The following RBFOX1 variants were observed in gnomAD, a reference collection of about 807,000 sequenced individuals.
RBFOX1 encodes the protein RNA binding protein fox-1 homolog 1.
In RBFOX1, 8 loss-of-function variants were observed where a neutral mutation model predicts 57.7. The ratio of observed to expected loss-of-function variants is 0.14; its 90% CI spans 0.08 to 0.25. The LOEUF (loss-of-function observed/expected upper bound fraction) is 0.25, where lower values mean the gene tolerates loss of function less well. Ranked by LOEUF, RBFOX1 falls within the 10% of genes least tolerant of loss-of-function variation. RBFOX1 has a pLI of 1.00. For missense variants in RBFOX1, 611 were observed against 548.5 expected (o/e 1.11, Z -1.14); for synonymous variants, 326 against 222.4 (o/e 1.47, Z -4.15).
intron 2 of RBFOX1, among the ~76,000 whole-genome samples, chr16:5,595,110 C>G (rs1179478082): frequency 6.6e-6 from 1 of 152,066 alleles, no homozygotes; most frequent in Non-Finnish European, 1.5e-5. Context: ...CCTGCCACTG[C>G]ACTCTAGCCT....
chr16:7,029,481 G>A (rs1424451736), intron 3 of RBFOX1, among the ~76,000 whole-genome samples: 1 of 151,668 alleles, frequency 6.6e-6, no homozygotes, highest in Non-Finnish European at 1.5e-5. Flanking sequence ...TTTGGTTTAG[G>A]TGACAAAGTC....
intron 3 of RBFOX1, among the ~76,000 whole-genome samples, chr16:6,856,077 G>A (rs982760505): frequency 3.3e-5 from 5 of 151,338 alleles, no homozygotes; most frequent in African/African-American, 9.8e-5. Flanking sequence ...CCTCAGTGAA[G>A]ATGAAATGAA....
rs1386899107 is a variant in RBFOX1 at position 7,292,260 on chromosome 16, G to A, written c.28-225887G>A. On this transcript the variant is annotated intron_variant, in intron 4 of 15. Transcript: ENST00000550418. ...ATTATATATCATATATATGATATAT[G>A]ATATAGAACGTATTATATATCATAT... 1.9e-4 allele frequency among the ~76,000 whole-genome samples: 18 copies of A among 93,924 alleles called. 1 individual carries two copies. The highest frequency in any genetic ancestry group is 8.2e-4 in the African/African-American group (17 of 20,854). 61.6% of individuals were successfully genotyped at this position (93,924 alleles called of 152,430 possible).
intron 1 of RBFOX1, among the ~76,000 whole-genome samples, chr16:6,168,937 G>T (rs912005178): frequency 1.3e-5 from 2 of 152,070 alleles, no homozygotes; most frequent in African/African-American, 4.8e-5. Flanking sequence ...TAGGAAGAAG[G>T]TCTCTGTAAC....
At chr16:6,080,433 T>C (rs1162558816) in intron 1 of RBFOX1, among the ~76,000 whole-genome samples, 1 of 152,234 alleles carries the variant, frequency 6.6e-6, no homozygotes, top group African/African-American at 2.4e-5. Context: ...GCTCCTGTTA[T>C]GCACCAAGCA....
intron 1 of RBFOX1, among the ~76,000 whole-genome samples, chr16:5,280,331 G>T (rs1324774357): frequency 6.6e-6 from 1 of 152,122 alleles, no homozygotes; most frequent in Admixed American, 6.5e-5. Flanking sequence ...ATTAGATTCG[G>T]TTTAGTAGTA....
intron 4 of RBFOX1, among the ~76,000 whole-genome samples, chr16:7,234,586 ATATG>A (rs1201544044): frequency 1.6e-3 from 147 of 92,814 alleles, no homozygotes; most frequent in African/African-American, 9.3e-3. Flanking sequence ...ATGTGTATAC[ATATG>A]TGTGTGTGTG....
At chr16:7,375,775 C>G (rs1568490672) in intron 4 of RBFOX1, among the ~76,000 whole-genome samples, 1 of 152,120 alleles carries the variant, frequency 6.6e-6, no homozygotes, top group Non-Finnish European at 1.5e-5. Flanking sequence ...TTCCTACTCT[C>G]TCTCCCCCCA....
At chr16:6,160,705 G>T (rs572630098) in intron 1 of RBFOX1, among the ~76,000 whole-genome samples, 1 of 152,248 alleles carries the variant, frequency 6.6e-6, no homozygotes, top group East Asian at 1.9e-4. Flanking sequence ...GCATAACCTG[G>T]TACCTGGCAC....
At chr16:7,109,115 T>A (rs780717083) in intron 4 of RBFOX1, among the ~76,000 whole-genome samples, 1 of 152,178 alleles carries the variant, frequency 6.6e-6, no homozygotes, top group African/African-American at 2.4e-5. Context: ...GCCACCTCTT[T>A]GAATTACTTT....
intron 4 of RBFOX1, among the ~76,000 whole-genome samples, chr16:7,193,921 G>T (rs1405216298): frequency 6.6e-6 from 1 of 151,958 alleles, no homozygotes; most frequent in Non-Finnish European, 1.5e-5. Context: ...TCTAGTAGCA[G>T]TTGAAAATAT....
At chr16:7,457,957 A>G (rs1318678461) in intron 4 of RBFOX1, among the ~76,000 whole-genome samples, 1 of 152,124 alleles carries the variant, frequency 6.6e-6, no homozygotes, top group Non-Finnish European at 1.5e-5. Flanking sequence ...GGACATTTGC[A>G]CATGCTGTTT....
rs2096316615 is a variant in RBFOX1, at chr16:6,514,121, T to C, written c.-63-140482T>C. On this transcript the variant is annotated intron_variant, in intron 2 of 15. Transcript: ENST00000550418. ...CCCTGTCATTAGGTGAACCCAGAAGTAATCAGCCCTAGGTGTCACGTTCCA... is the reference window on the plus strand; with the variant it reads ...CCCTGTCATTAGGTGAACCCAGAAGCAATCAGCCCTAGGTGTCACGTTCCA... 3.9e-5 allele frequency among the ~76,000 whole-genome samples: 6 copies of C among 152,152 alleles called. No individual in the cohort carries two copies. The South Asian group carries it at 1.0e-3, about 26-fold the overall frequency.
At chr16:6,772,867 T>TGTAA (rs2078573783) in intron 3 of RBFOX1, among the ~76,000 whole-genome samples, 3 of 148,580 alleles carry the variant, frequency 2.0e-5, no homozygotes, top group South Asian at 2.2e-4. Flanking sequence ...TTTGTGTGTG[T>TGTAA]GTGTCTGTGT....
At chr16:5,301,798 C>T (rs1252610816) in intron 1 of RBFOX1, among the ~76,000 whole-genome samples, 1 of 152,028 alleles carries the variant, frequency 6.6e-6, no homozygotes, top group Non-Finnish European at 1.5e-5. Context: ...TATGAGATAA[C>T]AAATGTTTGC....
intron 3 of RBFOX1, among the ~76,000 whole-genome samples, chr16:6,905,966 C>T (rs532959033): frequency 3.9e-5 from 6 of 152,164 alleles, no homozygotes; most frequent in Admixed American, 6.5e-5. Context: ...TTGTTAGGTG[C>T]CAGGCTGCAG....
At chr16:7,007,366 G>T (rs536187467) in intron 3 of RBFOX1, among the ~76,000 whole-genome samples, 2 of 152,154 alleles carry the variant, frequency 1.3e-5, no homozygotes, top group East Asian at 3.9e-4. Flanking sequence ...CATTGCAGCT[G>T]GAGAAAGTCT....
chr16:5,533,083 A>G (rs1400106044), intron 2 of RBFOX1, among the ~76,000 whole-genome samples: 2 of 152,178 alleles, frequency 1.3e-5, no homozygotes, highest in African/African-American at 4.8e-5. Context: ...TTGCCTCTGA[A>G]AGTGCAGCAG....
chr16:6,543,390 A>G (rs931517296), intron 2 of RBFOX1, among the ~76,000 whole-genome samples: 5 of 152,020 alleles, frequency 3.3e-5, no homozygotes, highest in Admixed American at 6.6e-5. Context: ...AAAGACTTCC[A>G]CTGAGACTCT....
Sources: gnomAD v4.1 joint callset for allele counts (sites outside exome capture counted in the v4.1 genomes callset) on GRCh38, gnomAD v4.1.1 for gene constraint, MANE v1.5 for transcripts, NCBI Gene and HGNC (gene_info 2026-07-23, HGNC 2026-07-21) for gene names.